The following HS3ST4 variants were observed in gnomAD, a reference collection of about 807,000 sequenced individuals.
HS3ST4 encodes the protein heparan sulfate-glucosamine 3-sulfotransferase 4, also known as heparan sulfate glucosamine 3-O-sulfotransferase 4.
Under a neutral mutation model 29.2 loss-of-function variants are expected in HS3ST4, and 17 were observed. That is an observed-to-expected ratio of 0.58 (90% confidence interval 0.40 to 0.87). HS3ST4 has a LOEUF of 0.87. HS3ST4 is among the 40% of genes least tolerant of loss of function. The pLI, the probability that HS3ST4 is intolerant of heterozygous loss-of-function variation, is 0.00. For missense variants in HS3ST4, 627 were observed against 634.5 expected, an observed-to-expected ratio of 0.99 and a Z score of 0.13; for synonymous variants, 314 against 285.7, an observed-to-expected ratio of 1.10 and a Z score of -1.00.
At chr16:26,017,563 T>G (rs1447617360) in intron 1 of HS3ST4, among the ~76,000 whole-genome samples, 1 of 152,168 alleles carries the variant, frequency 6.6e-6, no homozygotes, top group Admixed American at 6.5e-5. Flanking sequence ...TGGCAAAAAA[T>G]GAAACACTTT....
intron 1 of HS3ST4, among the ~76,000 whole-genome samples, chr16:25,916,254 T>C (rs1446103572): frequency 6.6e-6 from 1 of 152,232 alleles, no homozygotes; most frequent in Admixed American, 6.5e-5. Flanking sequence ...TGCTCTGCAC[T>C]GAAGATGTGG....
chr16:25,748,821 A>G (rs1966700844), intron 1 of HS3ST4, among the ~76,000 whole-genome samples: 1 of 152,184 alleles, frequency 6.6e-6, no homozygotes. Context: ...TGTACACTCT[A>G]TTAGGAAATA....
At chr16:25,885,389 T>C (rs12599174) in intron 1 of HS3ST4, among the ~76,000 whole-genome samples, 25,551 of 152,026 alleles carry the variant, frequency 0.17, 2,312 homozygotes, top group East Asian at 0.26. Flanking sequence ...GAAAAGTTCA[T>C]GTTATTACCT....
intron 1 of HS3ST4, among the ~76,000 whole-genome samples, chr16:25,782,511 G>C (rs192929046): frequency 2.8e-4 from 43 of 152,274 alleles, no homozygotes; most frequent in Non-Finnish European, 4.1e-4. Flanking sequence ...GTATGGTTCA[G>C]AATTCAATTT....
At chr16:25,928,337 C>T (rs1567274367) in intron 1 of HS3ST4, among the ~76,000 whole-genome samples, 5 of 151,884 alleles carry the variant, frequency 3.3e-5, no homozygotes, top group Admixed American at 6.6e-5. Flanking sequence ...TGCACTCCAG[C>T]CTGGGCAACA....
chr16:25,920,988 T>C (rs565443697), intron 1 of HS3ST4, among the ~76,000 whole-genome samples: 59 of 152,322 alleles, frequency 3.9e-4, no homozygotes, highest in African/African-American at 1.4e-3. Context: ...TCTAAAATTG[T>C]AACCCACTCC....
At chr16:25,825,118 G>A (rs541139747) in intron 1 of HS3ST4, among the ~76,000 whole-genome samples, 5 of 152,234 alleles carry the variant, frequency 3.3e-5, no homozygotes, top group South Asian at 4.1e-4. Flanking sequence ...AGAGACAAAC[G>A]GATTGAATCC....
At chr16:25,962,221 G>GT (rs886202214) in intron 1 of HS3ST4, among the ~76,000 whole-genome samples, 2 of 152,180 alleles carry the variant, frequency 1.3e-5, no homozygotes, top group Non-Finnish European at 2.9e-5. Context: ...GAAAAGGAGG[G>GT]TTTTTTTCTC....
In HS3ST4 at chr16:26,105,676, C is replaced by T. The variant is rs77969649; in HGVS notation, c.735-29936C>T. Among the ~76,000 whole-genome samples the T allele has an allele frequency of 9.7e-3, 1,485 of 152,340 alleles. 28 individuals carry two copies. Among genetic ancestry groups the T allele is most frequent in the African/African-American group, 0.033 (1,369 of 41,584 alleles). ...ACTCTCCCAATCTTCTTTCCAGTCA[C>T]GCTAACCTCTCCCTGGTCCTTGGAA... is the stretch of plus-strand genomic sequence containing the variant. On this transcript the variant is annotated intron_variant, in intron 1 of 1. Transcript: ENST00000331351.
intron 1 of HS3ST4, among the ~76,000 whole-genome samples, chr16:25,903,170 G>A (rs1968135770): frequency 6.6e-6 from 1 of 151,640 alleles, no homozygotes; most frequent in Non-Finnish European, 1.5e-5. Context: ...TGTGACATTA[G>A]ACCTCAGGGA....
intron 1 of HS3ST4, among the ~76,000 whole-genome samples, chr16:25,996,506 A>C (rs900717144): frequency 6.6e-6 from 1 of 152,192 alleles, no homozygotes; most frequent in Non-Finnish European, 1.5e-5. Flanking sequence ...ACCAAATGAT[A>C]GGCAATTGTG....
chr16:25,692,574 CT>C lies in HS3ST4; in HGVS notation c.158del (p.Leu53ArgfsTer97). On this transcript the variant is annotated frameshift_variant, in exon 1 of 2. Transcript: ENST00000331351. LOFTEE classifies it high-confidence loss of function. ...LSVTYLCYSL[L>X]GGSGSLQFPL... ...TGTCACCTACCTGTGCTACAGCCTC[CT>C]GGGCGGCTCGGGCTCCCTGCAATTC... is the stretch of plus-strand genomic sequence containing the variant. 7.0e-7 allele frequency: 1 copy of C among 1,435,636 alleles called. No homozygotes were observed. Among genetic ancestry groups the C allele is most frequent in the Non-Finnish European group, 9.2e-7 (1 of 1,084,444 alleles). The allele number at this position is 1,435,636 out of a possible 1,614,324, so 88.9% of individuals were successfully genotyped here.
At chr16:25,898,134 A>G (rs1226306038) in intron 1 of HS3ST4, among the ~76,000 whole-genome samples, 1 of 152,152 alleles carries the variant, frequency 6.6e-6, no homozygotes, top group East Asian at 1.9e-4. Flanking sequence ...TTCTTGCTCA[A>G]TGTCTTCTCA....
At chr16:26,125,009 T>C (rs1899323790) in intron 1 of HS3ST4, among the ~76,000 whole-genome samples, 1 of 152,218 alleles carries the variant, frequency 6.6e-6, no homozygotes, top group Non-Finnish European at 1.5e-5. Context: ...TCCTTTGAGA[T>C]AAAGTCCATC....
chr16:25,760,180 C>T (rs1966780945), intron 1 of HS3ST4, among the ~76,000 whole-genome samples: 1 of 152,110 alleles, frequency 6.6e-6, no homozygotes, highest in Admixed American at 6.5e-5. Context: ...CTCAACAACA[C>T]TGTTAAAGCC....
At chr16:25,886,293 A>G (rs1278275028) in intron 1 of HS3ST4, among the ~76,000 whole-genome samples, 1 of 152,082 alleles carries the variant, frequency 6.6e-6, no homozygotes, top group Non-Finnish European at 1.5e-5. Context: ...TCGGCCTCCC[A>G]AAGTTCTGGG....
intron 1 of HS3ST4, among the ~76,000 whole-genome samples, chr16:25,988,225 A>G (rs1161362440): frequency 2.6e-5 from 4 of 152,186 alleles, no homozygotes; most frequent in Admixed American, 2.0e-4. Flanking sequence ...GTCTGTTGGA[A>G]TGACACCTGG....
chr16:26,019,621 G>A (rs543818765), intron 1 of HS3ST4, among the ~76,000 whole-genome samples: 1 of 152,236 alleles, frequency 6.6e-6, no homozygotes, highest in African/African-American at 2.4e-5. Context: ...GGAGGGCGGC[G>A]GGTCCGTCTG....
At chr16:25,923,584 G>T (rs1321927747) in intron 1 of HS3ST4, among the ~76,000 whole-genome samples, 2 of 152,114 alleles carry the variant, frequency 1.3e-5, no homozygotes, top group Admixed American at 1.3e-4. Context: ...GTATTTACCT[G>T]CAACTTCTGG....
Sources: gnomAD v4.1 joint callset for allele counts (sites outside exome capture counted in the v4.1 genomes callset) on GRCh38, gnomAD v4.1.1 for gene constraint, MANE v1.5 for transcripts, NCBI Gene and HGNC (gene_info 2026-07-23, HGNC 2026-07-21) for gene names.